PSTPIP2: variants seen among roughly 807,000 people sequenced by gnomAD.
PSTPIP2 encodes the protein proline-serine-threonine phosphatase interacting protein 2, also known as proline-serine-threonine phosphatase-interacting protein 2.
PSTPIP2 carries 33 observed loss-of-function variants against 63.3 expected under a neutral mutation model. That is an observed-to-expected ratio of 0.52 (90% CI 0.40 to 0.70). PSTPIP2 has a LOEUF of 0.70. Among genes scored for constraint, PSTPIP2 ranks in the 30% least tolerant of loss-of-function variants. The probability of loss-of-function intolerance (pLI) is 0.00; values close to 1 mark genes in which losing one functional copy is unlikely to be tolerated. For synonymous variants in PSTPIP2, 125 were observed against 132.7 expected, an observed-to-expected ratio of 0.94 and a Z score of 0.40; for missense variants, 312 against 400.7, an observed-to-expected ratio of 0.78 and a Z score of 1.89.
chr18:46,013,085 T>C (rs766183633), intron 4 of PSTPIP2, among the ~76,000 whole-genome samples: 4 of 151,088 alleles, frequency 2.6e-5, no homozygotes, highest in Admixed American at 6.6e-5. Flanking sequence ...TAAATATATA[T>C]ATTATTTTAA....
intron 1 of PSTPIP2, among the ~76,000 whole-genome samples, chr18:46,055,117 C>T (rs1908712069): frequency 6.6e-6 from 1 of 152,126 alleles, no homozygotes; most frequent in Non-Finnish European, 1.5e-5. Flanking sequence ...CTGATCCTTT[C>T]CAGCCTCACT....
chr18:46,024,578 C>A (rs749083181), intron 3 of PSTPIP2, 31 bp downstream of exon 3: 3 of 1,586,290 alleles, frequency 1.9e-6, no homozygotes, highest in South Asian at 1.1e-5. Context: ...TATTAACCAA[C>A]CTGGAAACCA....
intron 1 of PSTPIP2, among the ~76,000 whole-genome samples, chr18:46,057,813 C>G (rs570648112): frequency 2.9e-4 from 44 of 151,608 alleles, no homozygotes; most frequent in Non-Finnish European, 5.0e-4. Context: ...CTGGCTAACA[C>G]GGTGAAACCC....
chr18:46,043,911 TA>T (rs1273994311), intron 1 of PSTPIP2, among the ~76,000 whole-genome samples: 3 of 152,080 alleles, frequency 2.0e-5, no homozygotes, highest in Non-Finnish European at 4.4e-5. Context: ...AAAGATAAAC[TA>T]TACAGGGATA....
intron 1 of PSTPIP2, among the ~76,000 whole-genome samples, chr18:46,044,578 C>T (rs575141413): frequency 6.6e-6 from 1 of 152,148 alleles, no homozygotes; most frequent in East Asian, 1.9e-4. Context: ...TAGGCATTAC[C>T]ATTCAGGACA....
intron 1 of PSTPIP2, 53 bp from the exon 2 acceptor site, chr18:46,040,100 G>A (rs971612702): frequency 7.1e-7 from 1 of 1,403,540 alleles, no homozygotes; most frequent in Admixed American, 2.1e-5. Flanking sequence ...AGCCCCCAAG[G>A]CCGGAGAGAA....
intron 4 of PSTPIP2, among the ~76,000 whole-genome samples, chr18:46,014,470 T>C (rs1160186879): frequency 6.6e-6 from 1 of 152,084 alleles, no homozygotes; most frequent in Non-Finnish European, 1.5e-5. Context: ...TCTCAGCACT[T>C]TGGGAGGCCA....
intron 1 of PSTPIP2, among the ~76,000 whole-genome samples, chr18:46,043,486 T>C (rs536954266): frequency 6.6e-6 from 1 of 151,774 alleles, no homozygotes; most frequent in African/African-American, 2.4e-5. Flanking sequence ...AATCAACAAA[T>C]CATTAAGAGA....
intron 1 of PSTPIP2, among the ~76,000 whole-genome samples, chr18:46,063,614 TACACACACAC>T (rs34948592): frequency 1.3e-5 from 2 of 148,482 alleles, no homozygotes; most frequent in African/African-American, 5.0e-5. Flanking sequence ...ACATGTGAAT[TACACACACAC>T]ACACACACAC....
At chr18:45,999,230 TC>T (rs1232578689) in intron 7 of PSTPIP2, among the ~76,000 whole-genome samples, 2 of 152,120 alleles carry the variant, frequency 1.3e-5, no homozygotes, top group East Asian at 3.9e-4. Context: ...CCCATCTCCC[TC>T]CCTCATAGCC....
intron 5 of PSTPIP2, among the ~76,000 whole-genome samples, chr18:46,008,899 C>T (rs1285246208): frequency 2.0e-5 from 3 of 152,138 alleles, no homozygotes; most frequent in Admixed American, 2.0e-4. Flanking sequence ...GGGTGAGTAT[C>T]TCACTCCTCT....
At chr18:45,988,864 C>T in intron 13 of PSTPIP2, 105 bp from the exon 14 acceptor site, 4 of 937,146 alleles carry the variant, frequency 4.3e-6, no homozygotes, top group Non-Finnish European at 6.8e-6. Flanking sequence ...TGGTGTCTAT[C>T]CTTTTGTAAA....
At chr18:46,069,381 A>G (rs920945305) in intron 1 of PSTPIP2, among the ~76,000 whole-genome samples, 1 of 152,238 alleles carries the variant, frequency 6.6e-6, no homozygotes, top group Non-Finnish European at 1.5e-5. Flanking sequence ...CTGCTTAACC[A>G]AAGTGCCACA....
intron 1 of PSTPIP2, among the ~76,000 whole-genome samples, chr18:46,063,724 A>G (rs1909072076): frequency 6.6e-6 from 1 of 152,230 alleles, no homozygotes; most frequent in East Asian, 1.9e-4. Context: ...AACCATTTGT[A>G]AAAGAGGAAT....
At chr18:46,059,882 T>A (rs546387726) in intron 1 of PSTPIP2, among the ~76,000 whole-genome samples, 5 of 152,026 alleles carry the variant, frequency 3.3e-5, no homozygotes, top group Admixed American at 6.6e-5. Flanking sequence ...ACAAAAAAAA[T>A]TACCCGGGCG....
intron 1 of PSTPIP2, among the ~76,000 whole-genome samples, chr18:46,058,282 A>G (rs1908845794): frequency 1.3e-5 from 2 of 151,992 alleles, no homozygotes; most frequent in South Asian, 2.1e-4. Context: ...AGGGATTTTT[A>G]TGGTTTTTTA....
At chr18:46,019,201 C>T (rs1482329012) in intron 3 of PSTPIP2, among the ~76,000 whole-genome samples, 1 of 152,138 alleles carries the variant, frequency 6.6e-6, no homozygotes, top group East Asian at 1.9e-4. Flanking sequence ...TGTACACTCA[C>T]GGTCCCCTAC....
chr18:46,034,517 T>C (rs1330962304), intron 2 of PSTPIP2, among the ~76,000 whole-genome samples: 1 of 152,212 alleles, frequency 6.6e-6, no homozygotes, highest in Non-Finnish European at 1.5e-5. Flanking sequence ...TTCTTATCTG[T>C]AAAAGGAAGC....
At chr18:46,059,639 T>A (rs1908918782) in intron 1 of PSTPIP2, among the ~76,000 whole-genome samples, 1 of 152,246 alleles carries the variant, frequency 6.6e-6, no homozygotes, top group Non-Finnish European at 1.5e-5. Context: ...TTTCAAAGTG[T>A]CTAAAATTCC....
Sources: gnomAD v4.1 joint callset for allele counts (sites outside exome capture counted in the v4.1 genomes callset) on GRCh38, gnomAD v4.1.1 for gene constraint, MANE v1.5 for transcripts, NCBI Gene and HGNC (gene_info 2026-07-23, HGNC 2026-07-21) for gene names.